The following PRKN variants were observed in gnomAD, a reference collection of about 807,000 sequenced individuals.
The protein encoded by PRKN is parkin RBR E3 ubiquitin protein ligase, also known as E3 ubiquitin-protein ligase parkin.
Under a neutral mutation model 59.5 loss-of-function variants are expected in PRKN, and 56 were observed. That is an observed-to-expected ratio of 0.94 (90% CI 0.76 to 1.18). PRKN has a LOEUF of 1.18. Among genes scored for constraint, PRKN ranks in the 50% most tolerant of loss-of-function variants. PRKN has a pLI of 0.00. For synonymous variants in PRKN, 250 were observed against 222.1 expected, an observed-to-expected ratio of 1.13 and a Z score of -1.12; for missense variants, 657 against 596.4, an observed-to-expected ratio of 1.10 and a Z score of -1.06.
chr6:162,515,110 T>C (rs894023488), intron 1 of PRKN, among the ~76,000 whole-genome samples: 13 of 151,626 alleles, frequency 8.6e-5, no homozygotes, highest in African/African-American at 2.9e-4. Flanking sequence ...GAGATGGAGT[T>C]TCACTCTTGT....
intron 2 of PRKN, among the ~76,000 whole-genome samples, chr6:162,268,435 T>A (rs1488881086): frequency 6.6e-6 from 1 of 152,184 alleles, no homozygotes; most frequent in Non-Finnish European, 1.5e-5. Context: ...ACCAACACCT[T>A]GACCTTGGAT....
chr6:162,431,030 C>A (rs946667298), intron 2 of PRKN, among the ~76,000 whole-genome samples: 7 of 152,078 alleles, frequency 4.6e-5, no homozygotes. Context: ...CACCTCTTCC[C>A]AACGCCGCCT....
intron 3 of PRKN, among the ~76,000 whole-genome samples, chr6:162,213,801 CCATACACACACACACACACACACACA>C (rs1583209042): frequency 1.5e-5 from 1 of 67,390 alleles, no homozygotes; most frequent in Admixed American, 1.8e-4. Flanking sequence ...CAAAAAAAAA[CCATACACACACACACACACACACACA>C]CACACACACA....
At position 161,458,158 on chromosome 6, in the gene PRKN, C is replaced by T. The variant is rs1790054413; in HGVS notation, c.1084-71281G>A. ...AAAGGGTAGCCTCCTTTAAGAAAAC[C>T]TTTGGGTTTGACAGAACATAAATAA... On this transcript the variant is annotated intron_variant, in intron 9 of 11. Transcript: ENST00000366898. This position sits in a 1 kb window ranked among gnomAD's most constrained non-coding sequence, Gnocchi z 6.1. 6.6e-6 allele frequency among the ~76,000 whole-genome samples: 1 copy of T among 152,176 alleles called. No homozygotes were observed. Among genetic ancestry groups the T allele is most frequent in the Admixed American group, 6.5e-5 (1 of 15,270 alleles).
At chr6:162,038,533 T>C (rs1207358315) in intron 5 of PRKN, among the ~76,000 whole-genome samples, 2 of 152,154 alleles carry the variant, frequency 1.3e-5, no homozygotes, top group Non-Finnish European at 2.9e-5. Flanking sequence ...GTTGCAAAGG[T>C]TTCATCTGGG....
intron 2 of PRKN, among the ~76,000 whole-genome samples, chr6:162,412,503 G>A (rs1488316655): frequency 4.6e-5 from 7 of 151,718 alleles, no homozygotes; most frequent in Non-Finnish European, 7.4e-5. Context: ...ACGGGGTAAG[G>A]GCTACTTAAC....
At chr6:161,868,564 G>C (rs756673930) in intron 6 of PRKN, among the ~76,000 whole-genome samples, 11 of 152,092 alleles carry the variant, frequency 7.2e-5, no homozygotes, top group Non-Finnish European at 1.6e-4. Context: ...CTAGGTGAGA[G>C]AGTGAGACTC....
At chr6:161,657,941 G>A (rs1325695755) in intron 7 of PRKN, among the ~76,000 whole-genome samples, 2 of 148,934 alleles carry the variant, frequency 1.3e-5, no homozygotes, top group Non-Finnish European at 3.0e-5. Context: ...GCTGGAACCC[G>A]GGAGGAGGAG....
intron 7 of PRKN, among the ~76,000 whole-genome samples, chr6:161,756,873 C>T (rs1277957631): frequency 6.6e-6 from 1 of 152,118 alleles, no homozygotes; most frequent in African/African-American, 2.4e-5. Flanking sequence ...AGACAGTACG[C>T]TATTGGCATA....
chr6:161,472,449 G>T (rs1036105541), intron 9 of PRKN, among the ~76,000 whole-genome samples: 1 of 152,106 alleles, frequency 6.6e-6, no homozygotes, highest in Non-Finnish European at 1.5e-5. Flanking sequence ...GGGAAAACTG[G>T]ATATCCACAT....
chr6:162,607,101 G>C (rs571834770), intron 1 of PRKN, among the ~76,000 whole-genome samples: 1 of 152,114 alleles, frequency 6.6e-6, no homozygotes, highest in South Asian at 2.1e-4. Context: ...AATTTTACAC[G>C]GGTGGGGTTT....
At chr6:161,754,581 C>A (rs1205455026) in intron 7 of PRKN, among the ~76,000 whole-genome samples, 1 of 152,064 alleles carries the variant, frequency 6.6e-6, no homozygotes, top group South Asian at 2.1e-4. Context: ...AGGGTCCCTG[C>A]GGCCTCTCAG....
intron 1 of PRKN, chr6:162,694,742 T>G (rs534465836): frequency 6.6e-6 from 1 of 152,364 alleles, no homozygotes; most frequent in South Asian, 2.1e-4. Context: ...ATACATTTTT[T>G]AAAGTTATTC....
intron 4 of PRKN, among the ~76,000 whole-genome samples, chr6:162,183,855 T>C (rs1562565132): frequency 6.6e-6 from 1 of 152,162 alleles, no homozygotes; most frequent in Non-Finnish European, 1.5e-5. Flanking sequence ...TTCTTCCTAG[T>C]TTTAGAAAAA....
chr6:162,346,184 G>C (rs939276558), intron 2 of PRKN, among the ~76,000 whole-genome samples: 1 of 152,128 alleles, frequency 6.6e-6, no homozygotes, highest in Middle Eastern at 3.4e-3. Context: ...AATAACTTTT[G>C]TTCTTTTACT....
rs151241923 is a variant in PRKN at position 162,372,121 on chromosome 6, C to A, written c.171+71189G>T. The stretch of plus-strand genomic sequence containing the variant: ...AAGGACATACTGGTTTCCTTAATTT[C>A]TTTTCTACTTTTTGTCCTTCAGTCT... On this transcript the variant is annotated intron_variant, in intron 2 of 11. Transcript: ENST00000366898. Among the ~76,000 whole-genome samples the A allele has an allele frequency of 2.1e-4, 32 of 152,302 alleles. No homozygotes were observed. The East Asian group carries it at 5.0e-3, about 24-fold the overall frequency.
chr6:161,360,247 A>T lies in PRKN; in HGVS notation c.1168-42T>A. 1 of 1,434,186 alleles carries T rather than the reference A, an allele frequency of 7.0e-7. No individual in the cohort carries two copies. The highest frequency in any genetic ancestry group is 9.9e-7 in the Non-Finnish European group (1 of 1,015,160). The allele number at this position is 1,434,186 out of a possible 1,614,324, so 88.8% of individuals were successfully genotyped here. ...GAAAGGCGTTTAATCTCAGCTTTCT[A>T]TTACTGGGATCAGAGTTTATGTTCC... On this transcript the variant is annotated intron_variant, in intron 10 of 11. Coordinates refer to ENST00000366898, the MANE Select transcript of PRKN (RefSeq NM_004562.3). The surrounding 1 kb of genome is among the most constrained non-coding windows in gnomAD (Gnocchi z 5.1).
intron 8 of PRKN, among the ~76,000 whole-genome samples, chr6:161,568,345 G>T (rs1780730901): frequency 6.6e-6 from 1 of 152,224 alleles, no homozygotes; most frequent in African/African-American, 2.4e-5. Flanking sequence ...TGTAATCCCA[G>T]CACTTTGGGA....
At chr6:161,556,501 A>G (rs954108634) in intron 8 of PRKN, among the ~76,000 whole-genome samples, 1 of 152,240 alleles carries the variant, frequency 6.6e-6, no homozygotes, top group Non-Finnish European at 1.5e-5. Context: ...TTCGAGATAT[A>G]ATCCACAGTT....
Sources: allele counts gnomAD v4.1 joint callset (sites outside exome capture counted in the v4.1 genomes callset), GRCh38; gene constraint gnomAD v4.1.1; non-coding constraint Gnocchi (gnomAD v3.1); transcripts MANE v1.5; gene names NCBI Gene and HGNC (gene_info 2026-07-23, HGNC 2026-07-21).